INPP4A: variants seen among roughly 807,000 people sequenced by gnomAD.
The protein encoded by INPP4A is inositol polyphosphate-4-phosphatase, type I, 107kD.
A neutral mutation model predicts 119.8 loss-of-function variants in INPP4A; 33 were observed. That is an observed-to-expected ratio of 0.28 (90% confidence interval 0.21 to 0.37). INPP4A has a LOEUF of 0.37. Among genes scored for constraint, INPP4A ranks in the 10% least tolerant of loss-of-function variants. The probability of loss-of-function intolerance (pLI) is 1.00; values close to 1 mark genes in which losing one functional copy is unlikely to be tolerated. For missense variants in INPP4A, 956 were observed against 1,289.9 expected (o/e 0.74, Z 3.97); for synonymous variants, 496 against 500.7 (o/e 0.99, Z 0.12).
At chr2:98,563,902 C>T (rs1342739888) in intron 18 of INPP4A, among the ~76,000 whole-genome samples, 3 of 151,094 alleles carry the variant, frequency 2.0e-5, no homozygotes, top group South Asian at 2.1e-4. Context: ...ATAGTGAGGG[C>T]ATGCATGGGT....
chr2:98,563,802 AAC>A (rs1348025086), intron 18 of INPP4A, among the ~76,000 whole-genome samples, 165 bp downstream of exon 18: 2 of 152,170 alleles, frequency 1.3e-5, no homozygotes, highest in Non-Finnish European at 2.9e-5. Context: ...TCTACATTTC[AAC>A]ACAGTCAGGA....
intron 23 of INPP4A, among the ~76,000 whole-genome samples, chr2:98,574,035 A>G (rs1697978440): frequency 6.6e-6 from 1 of 152,144 alleles, no homozygotes; most frequent in Non-Finnish European, 1.5e-5. Flanking sequence ...TCTTTTCATT[A>G]TAACAGAACA....
chr2:98,565,594 T>G, intron 19 of INPP4A, 46 bp from the exon 20 acceptor site: 1 of 1,564,030 alleles, frequency 6.4e-7, no homozygotes, highest in South Asian at 1.2e-5. Flanking sequence ...CTGGGGAGAG[T>G]AGCAGGGCCC....
chr2:98,526,905 C>G (rs760260808), intron 4 of INPP4A, among the ~76,000 whole-genome samples: 1 of 152,134 alleles, frequency 6.6e-6, no homozygotes, highest in Non-Finnish European at 1.5e-5. Context: ...ACAGGTCTTG[C>G]GTAAACTCAG....
intron 1 of INPP4A, among the ~76,000 whole-genome samples, chr2:98,518,089 G>A (rs765444165): frequency 3.3e-5 from 5 of 152,200 alleles, no homozygotes; most frequent in Non-Finnish European, 7.3e-5. Flanking sequence ...TTGCATTTTG[G>A]TGAGTTTTTT....
chr2:98,539,518 C>G lies in INPP4A; in HGVS notation c.671-10C>G. On this transcript the variant is annotated splice_polypyrimidine_tract_variant and intron_variant, in intron 9 of 24. Transcript: ENST00000409851. The stretch of plus-strand genomic sequence containing the variant: ...ATTTGCAGCCTGTCTCCCTTGTCAT[C>G]CCACCTCAGTGTTCGGTGGTGCCAT... 6.2e-7 allele frequency: 1 copy of G among 1,600,044 alleles called. No individual in the cohort carries two copies. Among genetic ancestry groups the G allele is most frequent in the Non-Finnish European group, 8.5e-7 (1 of 1,170,702 alleles).
chr2:98,470,046 T>A (rs2104814681), intron 1 of INPP4A, among the ~76,000 whole-genome samples: 1 of 152,336 alleles, frequency 6.6e-6, no homozygotes, highest in Admixed American at 6.5e-5. Context: ...CCAACGCACG[T>A]GACCTCCTGC....
intron 23 of INPP4A, among the ~76,000 whole-genome samples, chr2:98,576,480 G>A (rs1182149830): frequency 1.3e-5 from 2 of 152,182 alleles, no homozygotes; most frequent in African/African-American, 4.8e-5. Flanking sequence ...AGCTGCTCCC[G>A]TCTGTTCAGG....
chr2:98,510,674 G>A (rs1351731448), intron 1 of INPP4A, among the ~76,000 whole-genome samples: 2 of 152,204 alleles, frequency 1.3e-5, no homozygotes, highest in East Asian at 1.9e-4. Context: ...CCTCCCAAAG[G>A]CCCCGCTTCT....
In INPP4A at chr2:98,506,443, AGGCGAGTCAAAACATGTG is replaced by A. The variant is rs539616553; in HGVS notation, c.-165-12517_-165-12500del. Reference sequence around the variant, plus strand: ...AGCCCAGCGGTGTGGTGTGAGGACCAGGCGAGTCAAAACATGTGGGCAGCATTTGCAAGCTGTGTTGTT... The same window carrying A: ...AGCCCAGCGGTGTGGTGTGAGGACCAGGCAGCATTTGCAAGCTGTGTTGTT... On this transcript the variant is annotated intron_variant, in intron 1 of 24. Transcript: ENST00000409851. 3.7e-3 allele frequency among the ~76,000 whole-genome samples: 562 copies of A among 152,384 alleles called. 2 individuals carry two copies. Among genetic ancestry groups the A allele is most frequent in the Non-Finnish European group, 6.1e-3 (417 of 68,030 alleles).
chr2:98,480,982 G>A (rs1253076502), intron 1 of INPP4A, among the ~76,000 whole-genome samples: 1 of 152,212 alleles, frequency 6.6e-6, no homozygotes, highest in Non-Finnish European at 1.5e-5. Context: ...CAGGCTGCAG[G>A]CTGTGCATTA....
At chr2:98,449,776 G>A (rs775608694) in intron 1 of INPP4A, among the ~76,000 whole-genome samples, 2 of 152,138 alleles carry the variant, frequency 1.3e-5, no homozygotes, top group African/African-American at 2.4e-5. Context: ...TTTTAAATTT[G>A]TACTCCTTCC....
intron 17 of INPP4A, among the ~76,000 whole-genome samples, chr2:98,561,580 AT>A (rs1450284760): frequency 6.6e-6 from 1 of 151,592 alleles, no homozygotes; most frequent in Non-Finnish European, 1.5e-5. Flanking sequence ...ATTTTTTTTC[AT>A]TTTTTTCCTA....
chr2:98,541,400 A>G (rs992856033), intron 10 of INPP4A, among the ~76,000 whole-genome samples: 10 of 152,130 alleles, frequency 6.6e-5, no homozygotes, highest in African/African-American at 1.9e-4. Context: ...CCAATTGTTA[A>G]TATTTTGCCA....
At chr2:98,544,847 T>A (rs1319844960) in intron 11 of INPP4A, among the ~76,000 whole-genome samples, 5 of 152,204 alleles carry the variant, frequency 3.3e-5, no homozygotes, top group African/African-American at 1.2e-4. Context: ...CAAGGAGGTG[T>A]TGCTTAGGCT....
Position 98,533,456 on chromosome 2 carries a change from G to A in INPP4A, c.231G>A (p.Gln77=). 1.2e-6 allele frequency: 2 copies of A among 1,613,696 alleles called. No homozygotes were observed. The highest frequency in any genetic ancestry group is 2.2e-5 in the South Asian group (2 of 91,080). ...FVAVSVTTPP[Q]AFWTKHAQTE... ...CGGTGAGTGTCACCACCCCTCCTCA[G>A]GCATTCTGGACGAAGCATGCACAGA... The change falls in exon 5 of 25, where the codon CAG becomes CAA. Residue 77 remains glutamine (Q), a synonymous_variant. Transcript: ENST00000409851.
intron 1 of INPP4A, among the ~76,000 whole-genome samples, chr2:98,481,970 A>G (rs1044163266): frequency 3.9e-5 from 6 of 152,150 alleles, no homozygotes; most frequent in African/African-American, 1.4e-4. Context: ...TGGCTTAACA[A>G]CTCAACACTG....
chr2:98,550,216 A>G (rs1178798592), intron 13 of INPP4A, among the ~76,000 whole-genome samples: 5 of 151,972 alleles, frequency 3.3e-5, no homozygotes, highest in Non-Finnish European at 5.9e-5. Context: ...CCTGCTCCCC[A>G]TATACAAGAC....
intron 1 of INPP4A, among the ~76,000 whole-genome samples, chr2:98,505,456 A>G (rs1370862477): frequency 3.9e-5 from 6 of 152,212 alleles, no homozygotes; most frequent in African/African-American, 1.4e-4. Flanking sequence ...TGAACCTGAA[A>G]GAGAGGACGT....
Sources: allele counts gnomAD v4.1 joint callset (sites outside exome capture counted in the v4.1 genomes callset), GRCh38; gene constraint gnomAD v4.1.1; transcripts MANE v1.5; gene names NCBI Gene and HGNC (gene_info 2026-07-23, HGNC 2026-07-21).